Variants in ACOT1 observed in about 807,000 individuals in gnomAD.
ACOT1 encodes the protein acyl-coenzyme A thioesterase 1.
A neutral mutation model predicts 15.7 loss-of-function variants in ACOT1; 8 were observed. That is an observed-to-expected ratio of 0.51 (90% CI 0.30 to 0.92). The LOEUF (loss-of-function observed/expected upper bound fraction) is 0.92, where lower values mean the gene tolerates loss of function less well. Among genes scored for constraint, ACOT1 ranks in the 40% least tolerant of loss-of-function variants. The probability of loss-of-function intolerance (pLI) is 0.06; values close to 1 mark genes in which losing one functional copy is unlikely to be tolerated. For synonymous variants in ACOT1, 67 were observed against 241.2 expected, an observed-to-expected ratio of 0.28 and a Z score of 6.69; for missense variants, 151 against 539.4, an observed-to-expected ratio of 0.28 and a Z score of 7.13.
chr14:73,511,622 C>T, the ACOT1 span, among the ~76,000 whole-genome samples: 1 of 151,922 alleles, frequency 6.6e-6, no homozygotes, highest in Non-Finnish European at 1.5e-5. Flanking sequence ...CGCCTGTAAT[C>T]CCAGCAGTTT....
chr14:73,517,058 A>G, the ACOT1 span, among the ~76,000 whole-genome samples: 7 of 151,966 alleles, frequency 4.6e-5, no homozygotes, highest in South Asian at 1.5e-3. Context: ...AGGTGGGAGG[A>G]CCCCTTGTGG....
chr14:73,490,981 C>A, the ACOT1 span: 1 of 1,323,272 alleles, frequency 7.6e-7, no homozygotes, highest in South Asian at 2.2e-5. Flanking sequence ...GCTTCGCCCC[C>A]GGCCGGCCGG....
the ACOT1 span, among the ~76,000 whole-genome samples, chr14:73,494,316 G>A: frequency 6.6e-6 from 1 of 152,126 alleles, no homozygotes; most frequent in Non-Finnish European, 1.5e-5. Flanking sequence ...GCTACGCTCA[G>A]GCACACAGAT....
At chr14:73,538,269 C>T (rs1294962530) in intron 1 of ACOT1, among the ~76,000 whole-genome samples, 1 of 114,674 alleles carries the variant, frequency 8.7e-6, no homozygotes, top group Non-Finnish European at 1.9e-5. Context: ...TGGGGAATTG[C>T]CCCTGCCGCT....
the ACOT1 span, among the ~76,000 whole-genome samples, chr14:73,504,273 C>T: frequency 6.7e-6 from 1 of 149,490 alleles, no homozygotes; most frequent in Non-Finnish European, 1.5e-5. Context: ...GACGGAGCCT[C>T]GCTCTGTTGC....
At chr14:73,500,279 C>CT in the ACOT1 span, among the ~76,000 whole-genome samples, 2,416 of 139,908 alleles carry the variant, frequency 0.017, 50 homozygotes, top group African/African-American at 0.055. Flanking sequence ...ATGCACGGAC[C>CT]TTTTTTTTTT....
chr14:73,509,864 ATATATTTATTTATT>A, the ACOT1 span, among the ~76,000 whole-genome samples: 3 of 67,830 alleles, frequency 4.4e-5, no homozygotes, highest in Non-Finnish European at 9.0e-5. Context: ...ATATATATAT[ATATATTTATTTATT>A]TTATATATTT....
Position 73,543,044 on chromosome 14 carries a change from T to C in ACOT1, c.661-6T>C, listed in dbSNP as rs752074913. 9 of 1,342,732 alleles carry C rather than the reference T, an allele frequency of 6.7e-6. 3 individuals are homozygous for C. Among genetic ancestry groups the C allele is most frequent in the African/African-American group, 1.6e-5 (1 of 63,778 alleles). 83.2% of individuals were successfully genotyped at this position (1,342,732 alleles called of 1,614,324 possible). A position where few individuals can be genotyped will look rare whatever the true frequency, so the allele number is the denominator to read the frequency against. ...TCTTCTTCTTTTTCCTTTGTCCCTT[T>C]CTCAGGTAAAAGGTCCAGGAGTTGG... On this transcript the variant is annotated splice_polypyrimidine_tract_variant and splice_region_variant and intron_variant, in intron 2 of 2. Coordinates refer to ENST00000311148, the MANE Select transcript of ACOT1 (RefSeq NM_001037161.2).
chr14:73,521,045 C>A, the ACOT1 span: 2 of 1,611,804 alleles, frequency 1.2e-6, no homozygotes, highest in East Asian at 4.5e-5. Context: ...GCAATCTTGG[C>A]AGGGGTGAGA....
chr14:73,500,642 G>A, the ACOT1 span: 1 of 1,614,174 alleles, frequency 6.2e-7, no homozygotes, highest in East Asian at 2.2e-5. Flanking sequence ...AGGAAGCTTG[G>A]GAGAAGCTTG....
At chr14:73,512,154 G>A in the ACOT1 span, 14 of 1,613,960 alleles carry the variant, frequency 8.7e-6, no homozygotes, top group Admixed American at 3.3e-5. Context: ...CTATGACTGA[G>A]CCGCAGTGAG....
the ACOT1 span, chr14:73,503,080 CTGT>C: frequency 3.1e-6 from 4 of 1,277,440 alleles, no homozygotes; most frequent in Non-Finnish European, 4.5e-6. Context: ...TGGCGTTGTG[CTGT>C]TTTTTCTTCT....
At chr14:73,492,628 C>G in the ACOT1 span, 1 of 1,613,976 alleles carries the variant, frequency 6.2e-7, no homozygotes, top group Non-Finnish European at 8.5e-7. This position sits in a 1 kb window ranked among gnomAD's most constrained non-coding sequence, Gnocchi z 4.9. Context: ...AACCTGTAAA[C>G]GTGGGGGCCC....
the ACOT1 span, chr14:73,522,440 C>T: frequency 1.1e-5 from 18 of 1,614,106 alleles, no homozygotes; most frequent in East Asian, 6.7e-5. Flanking sequence ...GTACTGCTGG[C>T]GCAGGAAGCT....
chr14:73,506,661 T>C, the ACOT1 span: 1 of 936,686 alleles, frequency 1.1e-6, no homozygotes, highest in South Asian at 1.4e-5. Context: ...GCATCCTGCA[T>C]AATTAATGTC....
chr14:73,492,926 C>T, the ACOT1 span: 1 of 1,613,016 alleles, frequency 6.2e-7, no homozygotes, highest in Non-Finnish European at 8.5e-7. This position sits in a 1 kb window ranked among gnomAD's most constrained non-coding sequence, Gnocchi z 4.9. Flanking sequence ...CACTAAGATG[C>T]CTCTAGCCCT....
At chr14:73,495,329 A>G in the ACOT1 span, 3 of 1,613,926 alleles carry the variant, frequency 1.9e-6, no homozygotes, top group Admixed American at 1.7e-5. Flanking sequence ...TTTTCCCATG[A>G]CCATCTCCAG....
the ACOT1 span, chr14:73,522,726 TG>T: frequency 6.2e-7 from 1 of 1,614,226 alleles, no homozygotes; most frequent in Non-Finnish European, 8.5e-7. Context: ...TTTTCGGGAT[TG>T]GCAGAGCTTT....
At chr14:73,508,428 A>G in the ACOT1 span, 2 of 717,870 alleles carry the variant, frequency 2.8e-6, no homozygotes, top group Non-Finnish European at 2.3e-6. Context: ...GTCTAGAAAT[A>G]CAATTTCTTA....
Sources: allele counts gnomAD v4.1 joint callset (sites outside exome capture counted in the v4.1 genomes callset), GRCh38; gene constraint gnomAD v4.1.1; non-coding constraint Gnocchi (gnomAD v3.1); transcripts MANE v1.5; gene names NCBI Gene and HGNC (gene_info 2026-07-23, HGNC 2026-07-21).